The following KCND2 variants were observed in gnomAD, a reference collection of about 807,000 sequenced individuals.
KCND2 encodes potassium voltage-gated channel subfamily D member 2, also known as A-type voltage-gated potassium channel KCND2.
A neutral mutation model predicts 54.4 loss-of-function variants in KCND2; 16 were observed. That is an observed-to-expected ratio of 0.29 (90% confidence interval 0.20 to 0.45). KCND2 has a LOEUF of 0.45. KCND2 is among the 20% of genes least tolerant of loss of function. The pLI, the probability that KCND2 is intolerant of heterozygous loss-of-function variation, is 1.00. For missense variants in KCND2, 486 were observed against 824.2 expected (o/e 0.59, Z 5.02); for synonymous variants, 317 against 310.7 (o/e 1.02, Z -0.21).
chr7:120,393,235 G>T (rs1447256752), intron 1 of KCND2, among the ~76,000 whole-genome samples: 2 of 151,846 alleles, frequency 1.3e-5, no homozygotes, highest in South Asian at 2.1e-4. Flanking sequence ...TTTAAAAATA[G>T]GAATAATTGT....
At chr7:120,436,245 G>A (rs1563045467) in intron 1 of KCND2, among the ~76,000 whole-genome samples, 1 of 152,108 alleles carries the variant, frequency 6.6e-6, no homozygotes, top group African/African-American at 2.4e-5. Flanking sequence ...ATGACATGGA[G>A]TAAACAAATA....
At chr7:120,547,656 AT>A in intron 1 of KCND2, among the ~76,000 whole-genome samples, 1 of 152,142 alleles carries the variant, frequency 6.6e-6, no homozygotes, top group African/African-American at 2.4e-5. Flanking sequence ...CTTAAAAAAA[AT>A]GTTCTCTACT....
intron 1 of KCND2, among the ~76,000 whole-genome samples, chr7:120,698,182 C>G (rs1792356333): frequency 6.6e-6 from 1 of 151,914 alleles, no homozygotes; most frequent in African/African-American, 2.4e-5. Flanking sequence ...GCCCAGATAA[C>G]TGTTGTATTT....
intron 1 of KCND2, among the ~76,000 whole-genome samples, chr7:120,487,235 T>C (rs1802707675): frequency 6.6e-6 from 1 of 152,160 alleles, no homozygotes; most frequent in Admixed American, 6.5e-5. Flanking sequence ...GTAAAGATTT[T>C]TTTTTAAAAA....
chr7:120,294,363 C>T (rs73429978), intron 1 of KCND2, among the ~76,000 whole-genome samples: 3,242 of 151,806 alleles, frequency 0.021, 132 homozygotes, highest in African/African-American at 0.074. Context: ...TCAGCAATAA[C>T]GAATATATTT....
At chr7:120,664,942 C>G (rs749158661) in intron 1 of KCND2, among the ~76,000 whole-genome samples, 1 of 152,012 alleles carries the variant, frequency 6.6e-6, no homozygotes. Context: ...AAAAATAAAA[C>G]GTACAACTAT....
intron 1 of KCND2, among the ~76,000 whole-genome samples, chr7:120,378,159 G>A (rs906418770): frequency 6.6e-6 from 1 of 151,908 alleles, no homozygotes; most frequent in African/African-American, 2.4e-5. Flanking sequence ...TTGTGTGTGT[G>A]TGTAATCTTA....
intron 1 of KCND2, among the ~76,000 whole-genome samples, chr7:120,301,339 A>G (rs1563002149): frequency 1.3e-5 from 2 of 152,186 alleles, no homozygotes. Flanking sequence ...AGCAATAAAC[A>G]TACATATTCT....
intron 1 of KCND2, among the ~76,000 whole-genome samples, chr7:120,689,098 T>A (rs1584884698): frequency 6.6e-6 from 1 of 152,154 alleles, no homozygotes; most frequent in African/African-American, 2.4e-5. Flanking sequence ...AGTGTCACTG[T>A]AGTACAGGGT....
chr7:120,727,022 A>G (rs1384737448), intron 1 of KCND2, among the ~76,000 whole-genome samples: 1 of 152,142 alleles, frequency 6.6e-6, no homozygotes, highest in Non-Finnish European at 1.5e-5. Context: ...TTTATCTTTT[A>G]GTGTGTGTGG....
intron 1 of KCND2, among the ~76,000 whole-genome samples, chr7:120,446,752 A>G (rs1802024315): frequency 6.6e-6 from 1 of 152,200 alleles, no homozygotes; most frequent in South Asian, 2.1e-4. Flanking sequence ...TTCTCTTGTT[A>G]TAGGGGAAGG....
At chr7:120,459,240 G>A (rs866390986) in intron 1 of KCND2, among the ~76,000 whole-genome samples, 9 of 151,926 alleles carry the variant, frequency 5.9e-5, no homozygotes, top group African/African-American at 9.7e-5. Context: ...CCGTTCTTCC[G>A]ACATAGGATC....
At chr7:120,703,307 G>C (rs1327894912) in intron 1 of KCND2, among the ~76,000 whole-genome samples, 3 of 152,148 alleles carry the variant, frequency 2.0e-5, no homozygotes, top group Non-Finnish European at 4.4e-5. Flanking sequence ...TCCAAGGTCA[G>C]TGCTCTTCCA....
rs1802516201 is a variant in KCND2 at position 120,475,194 on chromosome 7, C to A, written c.1115+199447C>A. On this transcript the variant is annotated intron_variant, in intron 1 of 5. Coordinates refer to ENST00000331113, the MANE Select transcript of KCND2 (RefSeq NM_012281.3). ...GGTTGATCATTTTCAAACATTATGC[C>A]CTTAAGAACCAAGAGGTAATTATAT... Among the ~76,000 whole-genome samples, 4 of 152,094 alleles carry A rather than the reference C, an allele frequency of 2.6e-5. No individual in the cohort carries two copies. In the South Asian group the frequency reaches 8.3e-4, roughly 32 times the overall value.
chr7:120,423,314 G>A (rs908698812), intron 1 of KCND2, among the ~76,000 whole-genome samples: 1 of 152,066 alleles, frequency 6.6e-6, no homozygotes, highest in Non-Finnish European at 1.5e-5. Flanking sequence ...TTTAACTTGG[G>A]ACCAGAACAC....
intron 2 of KCND2, chr7:120,740,930 TGTTTA>T (rs1276287621): frequency 4.4e-6 from 2 of 454,980 alleles, no homozygotes; most frequent in African/African-American, 4.0e-5. Flanking sequence ...TTTGTTTGTT[TGTTTA>T]GAGAGAGAGT....
intron 1 of KCND2, among the ~76,000 whole-genome samples, chr7:120,575,649 C>G (rs1363539612): frequency 6.6e-6 from 1 of 152,064 alleles, no homozygotes; most frequent in African/African-American, 2.4e-5. Context: ...TTCCAGCCAC[C>G]CAAAATTTGT....
chr7:120,347,728 G>A (rs1800342180), intron 1 of KCND2, among the ~76,000 whole-genome samples: 1 of 150,782 alleles, frequency 6.6e-6, no homozygotes, highest in African/African-American at 2.4e-5. Context: ...TCACACTCCA[G>A]CCTGGGCAAA....
chr7:120,436,476 A>G (rs1801867735), intron 1 of KCND2, among the ~76,000 whole-genome samples: 1 of 152,254 alleles, frequency 6.6e-6, no homozygotes, highest in Admixed American at 6.5e-5. Flanking sequence ...AAACCTCTGC[A>G]TAAGCTCAGG....
Sources: gnomAD v4.1 joint callset for allele counts (sites outside exome capture counted in the v4.1 genomes callset) on GRCh38, gnomAD v4.1.1 for gene constraint, MANE v1.5 for transcripts, NCBI Gene and HGNC (gene_info 2026-07-23, HGNC 2026-07-21) for gene names.